Variants in CDH11 observed in about 807,000 individuals in gnomAD.
CDH11 encodes the protein cadherin-11.
A neutral mutation model predicts 67.8 loss-of-function variants in CDH11; 11 were observed. The observed-to-expected ratio is 0.16, with a 90% CI of 0.10 to 0.27. The LOEUF is 0.27. CDH11 is among the 10% of genes least tolerant of loss of function. The pLI is 1.00. For synonymous variants in CDH11, 419 were observed against 400.0 expected (o/e 1.05, Z -0.57); for missense variants, 847 against 1,031.2 (o/e 0.82, Z 2.45).
chr16:65,035,084 T>C (rs1160513243), intron 2 of CDH11, among the ~76,000 whole-genome samples: 1 of 152,068 alleles, frequency 6.6e-6, no homozygotes, highest in African/African-American at 2.4e-5. Context: ...GCACGGGCAG[T>C]GACGTTGCAA....
chr16:65,087,225 C>A (rs2142819648), intron 1 of CDH11, among the ~76,000 whole-genome samples: 1 of 152,308 alleles, frequency 6.6e-6, no homozygotes, highest in African/African-American at 2.4e-5. Context: ...ACATCTTAAT[C>A]CCTTTCCCTT....
intron 1 of CDH11, among the ~76,000 whole-genome samples, chr16:65,061,011 T>G (rs956512556): frequency 1.3e-5 from 2 of 152,218 alleles, no homozygotes; most frequent in Admixed American, 1.3e-4. Flanking sequence ...TGACCTCTTC[T>G]TCCATTTACT....
intron 3 of CDH11, among the ~76,000 whole-genome samples, chr16:65,004,276 A>T (rs1305844591): frequency 6.6e-6 from 1 of 152,106 alleles, no homozygotes; most frequent in Non-Finnish European, 1.5e-5. Context: ...AGGAGGCTAA[A>T]GCAGGAGGAT....
At chr16:65,081,096 C>T (rs1183636305) in intron 1 of CDH11, among the ~76,000 whole-genome samples, 3 of 152,034 alleles carry the variant, frequency 2.0e-5, no homozygotes, top group African/African-American at 4.8e-5. Context: ...ATACAATAAT[C>T]GTTAATACTA....
chr16:64,952,391 C>T (rs1484692230), intron 11 of CDH11, among the ~76,000 whole-genome samples: 1 of 152,124 alleles, frequency 6.6e-6, no homozygotes, highest in Non-Finnish European at 1.5e-5. Context: ...TCTCCAAGGC[C>T]AGAAACACAG....
intron 2 of CDH11, among the ~76,000 whole-genome samples, chr16:65,021,727 T>A (rs2073428635): frequency 6.6e-6 from 1 of 151,420 alleles, no homozygotes; most frequent in East Asian, 1.9e-4. Flanking sequence ...TACTTTTTTT[T>A]GTTAGTTTGT....
chr16:65,021,876 G>GAAAAAAAAAAAAAA (rs35700448), intron 2 of CDH11, among the ~76,000 whole-genome samples: 1 of 109,858 alleles, frequency 9.1e-6, no homozygotes, highest in Non-Finnish European at 1.8e-5. Flanking sequence ...AAGTAACTCA[G>GAAAAAAAAAAAAAA]AAAAAAAAAA....
chr16:65,019,717 C>A (rs1256884649), intron 2 of CDH11, among the ~76,000 whole-genome samples: 1 of 152,032 alleles, frequency 6.6e-6, no homozygotes, highest in Non-Finnish European at 1.5e-5. Context: ...TATCAGTGTG[C>A]TTTTATTTCA....
At position 65,121,932 on chromosome 16, in the gene CDH11, G is replaced by A. The variant is rs895657704; in HGVS notation, c.-350C>T. On this transcript the variant is annotated 5_prime_UTR_variant, in exon 1 of 13. Transcript: ENST00000268603. The surrounding 1 kb of genome is among the most constrained non-coding windows in gnomAD (Gnocchi z 4.1). ...TCCGAGCCGCCAGTCCCTGGCGCAGGGCAAGCGCTGCGGTGTCAGTCCCGG... is the reference window on the plus strand; with the variant it reads ...TCCGAGCCGCCAGTCCCTGGCGCAGAGCAAGCGCTGCGGTGTCAGTCCCGG... 3 of 701,912 alleles carry A rather than the reference G, an allele frequency of 4.3e-6. No homozygotes were observed. The highest frequency in any genetic ancestry group is 7.8e-6 in the Non-Finnish European group (3 of 384,612). The allele number at this position is 701,912 out of a possible 1,614,324, so 43.5% of individuals were successfully genotyped here. A position where few individuals can be genotyped will look rare whatever the true frequency, so the allele number is the denominator to read the frequency against.
chr16:65,063,726 A>T (rs2074268411), intron 1 of CDH11, among the ~76,000 whole-genome samples: 1 of 152,154 alleles, frequency 6.6e-6, no homozygotes, highest in African/African-American at 2.4e-5. Context: ...TGTGTATGTT[A>T]TTCATAACTT....
At chr16:64,999,154 C>T (rs539228449) in intron 3 of CDH11, among the ~76,000 whole-genome samples, 18 of 152,250 alleles carry the variant, frequency 1.2e-4, no homozygotes, top group Middle Eastern at 3.4e-3. Flanking sequence ...AAAACCTAAA[C>T]GTATCTGTCA....
intron 6 of CDH11, 102 bp from the exon 7 acceptor site, chr16:64,988,446 T>C: frequency 9.2e-7 from 1 of 1,082,202 alleles, no homozygotes; most frequent in Non-Finnish European, 1.3e-6. Context: ...GATTTGAAAT[T>C]GAACTTTCTA....
chr16:65,056,458 A>T (rs1232237092), intron 1 of CDH11, among the ~76,000 whole-genome samples: 1 of 152,236 alleles, frequency 6.6e-6, no homozygotes, highest in Middle Eastern at 3.2e-3. Context: ...ACTGTAAGAG[A>T]TAGTAATACG....
chr16:64,996,945 G>A (rs2072784180), intron 4 of CDH11, among the ~76,000 whole-genome samples: 1 of 152,038 alleles, frequency 6.6e-6, no homozygotes, highest in Non-Finnish European at 1.5e-5. Flanking sequence ...CTGAGTGATG[G>A]GGTCATTCAT....
intron 1 of CDH11, among the ~76,000 whole-genome samples, chr16:65,101,874 T>C (rs1328045698): frequency 6.6e-6 from 1 of 152,226 alleles, no homozygotes; most frequent in African/African-American, 2.4e-5. Flanking sequence ...TCAGTGTGAA[T>C]GACTTTCGCT....
upstream of CDH11, among the ~76,000 whole-genome samples, chr16:65,123,154 G>A (rs1243197457): frequency 2.6e-5 from 4 of 152,122 alleles, no homozygotes; most frequent in African/African-American, 9.6e-5. Context: ...GGGCGCTCGC[G>A]GTACCGGGAA....
intron 1 of CDH11, among the ~76,000 whole-genome samples, chr16:65,064,704 G>A (rs1043699164): frequency 3.3e-5 from 5 of 152,150 alleles, no homozygotes; most frequent in African/African-American, 1.2e-4. Context: ...AATTGTATCT[G>A]TTTTTTGACT....
Position 64,998,709 on chromosome 16 carries a change from A to T in CDH11, c.376T>A (p.Leu126Met), listed in dbSNP as rs747223660. 1.2e-6 allele frequency: 2 copies of T among 1,613,902 alleles called. No homozygotes were observed. Among genetic ancestry groups the T allele is most frequent in the Non-Finnish European group, 1.7e-6 (2 of 1,179,986 alleles). ...LDREERAQYT[L>M]MAQAVDRDTN... ...TCCCTGTCCACCGCCTGAGCCATCA[A>T]CGTGTACTGGGCTCTCTCTTCTCGA... Residue 126 changes from leucine to methionine, a missense_variant, in exon 4 of 13, where the codon TTG (leucine) becomes ATG (methionine). Physicochemically the swap from Leu to Met is conservative, Grantham distance 15. Coordinates refer to ENST00000268603, the MANE Select transcript of CDH11 (RefSeq NM_001797.4).
intron 1 of CDH11, among the ~76,000 whole-genome samples, chr16:65,086,981 T>C (rs2074712661): frequency 6.6e-6 from 1 of 152,168 alleles, no homozygotes; most frequent in Admixed American, 6.5e-5. Flanking sequence ...TATTCGACTT[T>C]AGGGCCTTCA....
Sources: allele counts gnomAD v4.1 joint callset (sites outside exome capture counted in the v4.1 genomes callset), GRCh38; gene constraint gnomAD v4.1.1; non-coding constraint Gnocchi (gnomAD v3.1); transcripts MANE v1.5; gene names NCBI Gene and HGNC (gene_info 2026-07-23, HGNC 2026-07-21).